The following PCDHGB4 variants were observed in gnomAD, a reference collection of about 807,000 sequenced individuals.
The protein encoded by PCDHGB4 is protocadherin gamma-B4.
In PCDHGB4, 38 loss-of-function variants were observed where a neutral mutation model predicts 60.5. The observed-to-expected ratio is 0.63, with a 90% confidence interval of 0.48 to 0.82. PCDHGB4 has a LOEUF of 0.82. Ranked by LOEUF, PCDHGB4 falls within the 40% of genes least tolerant of loss-of-function variation. The pLI is 0.00. For synonymous variants in PCDHGB4, 456 were observed against 509.7 expected, an observed-to-expected ratio of 0.89 and a Z score of 1.42; for missense variants, 1,109 against 1,209.6, an observed-to-expected ratio of 0.92 and a Z score of 1.23.
intron 1 of PCDHGB4, chr5:141,428,285 C>CA (rs2097130658): frequency 2.7e-6 from 2 of 734,934 alleles, no homozygotes; most frequent in Non-Finnish European, 4.7e-6. Context: ...GATTCCCAAG[C>CA]AAAGCTGCAG....
Position 141,485,244 on chromosome 5 carries a change from T to G in PCDHGB4, c.2398-9563T>G. 5 of 1,614,168 alleles carry G rather than the reference T, an allele frequency of 3.1e-6. No individual in the cohort carries two copies. Among genetic ancestry groups the G allele is most frequent in the Non-Finnish European group, 4.2e-6 (5 of 1,180,006 alleles). On this transcript the variant is annotated intron_variant, in intron 1 of 3. Transcript: ENST00000519479. This position sits in a 1 kb window ranked among gnomAD's most constrained non-coding sequence, Gnocchi z 5.7. Reference sequence around the variant, plus strand: ...ACCCTTTTGTTCCTCTTTTACCACCTGGGTTACGTTTGTGGGCAGATCCGC... The same window carrying G: ...ACCCTTTTGTTCCTCTTTTACCACCGGGGTTACGTTTGTGGGCAGATCCGC...
intron 1 of PCDHGB4, among the ~76,000 whole-genome samples, chr5:141,452,300 T>C (rs886540131): frequency 2.0e-5 from 3 of 152,194 alleles, no homozygotes; most frequent in African/African-American, 7.2e-5. Flanking sequence ...TAAGAAAATA[T>C]TAGAGACTCA....
At position 141,389,542 on chromosome 5, in the gene PCDHGB4, G is replaced by C; in HGVS notation, c.1658G>C (p.Arg553Pro). ...NVSLRVLVDD[R>P]NDNAPRVLYP... ...AGCCTGCGCGTGTTAGTGGACGACC[G>C]CAACGACAATGCGCCACGGGTGCTG... is the stretch of plus-strand genomic sequence containing the variant. Residue 553 changes from arginine to proline, a missense_variant, in exon 1 of 4, where the codon CGC becomes CCC. Arg to Pro is a moderately radical substitution (Grantham distance 103). Around this residue, in one of 2 missense-constraint regions of PCDHGB4, gnomAD observed 1,068 missense variants for 1,089.9 expected, o/e 0.98. Coordinates refer to ENST00000519479, the MANE Select transcript of PCDHGB4 (RefSeq NM_003736.4). 6.2e-7 allele frequency: 1 copy of C among 1,613,198 alleles called. No individual in the cohort carries two copies. Among genetic ancestry groups the C allele is most frequent in the Non-Finnish European group, 8.5e-7 (1 of 1,179,768 alleles).
chr5:141,491,208 C>G lies in PCDHGB4; in HGVS notation c.2398-3599C>G. 6.2e-7 allele frequency: 1 copy of G among 1,614,204 alleles called. No individual in the cohort carries two copies. Among genetic ancestry groups the G allele is most frequent in the Non-Finnish European group, 8.5e-7 (1 of 1,180,026 alleles). ...TGAGGGACAATGGTGACCCTTCACTCTCCTCCACAGCCACAGTGCTGCTGG... is the reference window on the plus strand; with the variant it reads ...TGAGGGACAATGGTGACCCTTCACTGTCCTCCACAGCCACAGTGCTGCTGG... On this transcript the variant is annotated intron_variant, in intron 1 of 3. Coordinates refer to ENST00000519479, the MANE Select transcript of PCDHGB4 (RefSeq NM_003736.4). This position sits in a 1 kb window ranked among gnomAD's most constrained non-coding sequence, Gnocchi z 6.9.
intron 1 of PCDHGB4, chr5:141,394,889 T>C: frequency 6.2e-7 from 1 of 1,613,858 alleles, no homozygotes; most frequent in Non-Finnish European, 8.5e-7. Context: ...TTACACTCTA[T>C]CTCGTGGTGG....
chr5:141,400,579 A>G (rs748573702), intron 1 of PCDHGB4: 2 of 1,610,854 alleles, frequency 1.2e-6, no homozygotes, highest in Non-Finnish European at 1.7e-6. Flanking sequence ...TTCTGTATTT[A>G]CATGAAACTA....
intron 1 of PCDHGB4, chr5:141,391,639 A>G (rs1166696968): frequency 6.6e-6 from 1 of 152,354 alleles, no homozygotes; most frequent in East Asian, 1.9e-4. Context: ...TAGTCAGTGA[A>G]AAAACTATCA....
chr5:141,487,397 G>C lies in PCDHGB4; in HGVS notation c.2398-7410G>C. On this transcript the variant is annotated intron_variant, in intron 1 of 3. Coordinates refer to ENST00000519479, the MANE Select transcript of PCDHGB4 (RefSeq NM_003736.4). The surrounding 1 kb of genome is among the most constrained non-coding windows in gnomAD (Gnocchi z 5.0). ...TCTCACCAGATCTCGAAGGAGGGAG[G>C]GGCTTCCCCCTTCCAATGGGATCCT... The C allele has an allele frequency of 6.2e-7, 1 of 1,614,062 alleles. No homozygotes were observed. The highest frequency in any genetic ancestry group is 8.5e-7 in the Non-Finnish European group (1 of 1,180,008).
intron 1 of PCDHGB4, chr5:141,478,305 C>T (rs775282798): frequency 2.5e-6 from 4 of 1,614,092 alleles, no homozygotes; most frequent in East Asian, 2.2e-5. Flanking sequence ...TACCGAGCCC[C>T]GGTGAGCTCA....
At chr5:141,391,618 TA>T (rs2092399304) in intron 1 of PCDHGB4, 3 of 152,366 alleles carry the variant, frequency 2.0e-5, no homozygotes, top group African/African-American at 7.2e-5. Flanking sequence ...TGAGTGGTTT[TA>T]AGAAAGTTTT....
At chr5:141,508,499 C>T (rs1425054102) in intron 3 of PCDHGB4, among the ~76,000 whole-genome samples, 7 of 152,212 alleles carry the variant, frequency 4.6e-5, no homozygotes, top group Non-Finnish European at 1.0e-4. Flanking sequence ...CATATCTTCT[C>T]TCCCTCCTGG....
chr5:141,392,659 A>T, intron 1 of PCDHGB4: 2 of 788,300 alleles, frequency 2.5e-6, no homozygotes, highest in Non-Finnish European at 3.8e-6. Flanking sequence ...CGCAGATGCC[A>T]CAAACTAACT....
intron 1 of PCDHGB4, chr5:141,391,723 C>CT (rs1366104842): frequency 6.6e-6 from 1 of 152,126 alleles, no homozygotes; most frequent in African/African-American, 2.4e-5. Flanking sequence ...GGGAAACAGA[C>CT]TTTTTTGTAG....
chr5:141,399,519 G>A (rs1467117930), intron 1 of PCDHGB4: 2 of 1,614,036 alleles, frequency 1.2e-6, no homozygotes, highest in Non-Finnish European at 1.7e-6. Context: ...ACCCTCCTGG[G>A]GCCTCCATCG....
At chr5:141,393,348 T>A in intron 1 of PCDHGB4, 1 of 1,613,848 alleles carries the variant, frequency 6.2e-7, no homozygotes, top group Non-Finnish European at 8.5e-7. Flanking sequence ...TCACCACTTC[T>A]CCCTGGACGT....
At chr5:141,399,048 G>T (rs779434482) in intron 1 of PCDHGB4, 1 of 1,613,830 alleles carries the variant, frequency 6.2e-7, no homozygotes, top group East Asian at 2.2e-5. Context: ...ATTTTGAAGA[G>T]ACCAAGGAAT....
chr5:141,419,980 G>T lies in PCDHGB4; in HGVS notation c.2397+29699G>T, dbSNP rs182372807. 1.1e-4 allele frequency: 180 copies of T among 1,614,080 alleles called. No individual in the cohort carries two copies. The East Asian group carries it at 1.1e-3, about 10-fold the overall frequency. On this transcript the variant is annotated intron_variant, in intron 1 of 3. Transcript: ENST00000519479. ...TTTCTGTGCTCTTTCTCCTCGCGGTGATTCTAGCTATTGCTCTACGCCTGC... is the reference window on the plus strand; with the variant it reads ...TTTCTGTGCTCTTTCTCCTCGCGGTTATTCTAGCTATTGCTCTACGCCTGC...
At position 141,446,758 on chromosome 5, in the gene PCDHGB4, C is replaced by T. The variant is rs776925316; in HGVS notation, c.2398-48049C>T. Among the ~76,000 whole-genome samples, 10 of 152,208 alleles carry T rather than the reference C, an allele frequency of 6.6e-5. 1 individual carries two copies. Among genetic ancestry groups the T allele is most frequent in the African/African-American group, 9.7e-5 (4 of 41,448 alleles). On this transcript the variant is annotated intron_variant, in intron 1 of 3. Transcript: ENST00000519479. ...TGGGGATTACAGGCGTGAGCCACCG[C>T]GCCCAGCCGGTTACCATTCTTTTAC...
rs1419985074 is a variant in PCDHGB4, at chr5:141,431,009, T to C, written c.2397+40728T>C. On this transcript the variant is annotated intron_variant, in intron 1 of 3. Transcript: ENST00000519479. The surrounding 1 kb of genome is among the most constrained non-coding windows in gnomAD (Gnocchi z 4.8). ...CGCCCTGAATCCGCGCAGCGGCAGC[T>C]TGGTCACGGCGGGCAGGATAGACCG... The C allele has an allele frequency of 3.7e-6, 6 of 1,613,884 alleles. No individual in the cohort carries two copies. Among genetic ancestry groups the C allele is most frequent in the Non-Finnish European group, 5.1e-6 (6 of 1,179,984 alleles).
Sources: gnomAD v4.1 joint callset for allele counts (sites outside exome capture counted in the v4.1 genomes callset) on GRCh38, gnomAD v4.1.1 for gene constraint, gnomAD v4.1.1 regional missense constraint, Gnocchi (gnomAD v3.1) non-coding constraint, MANE v1.5 for transcripts, NCBI Gene and HGNC (gene_info 2026-07-23, HGNC 2026-07-21) for gene names.